ARL17B: variants seen among roughly 807,000 people sequenced by gnomAD.
ARL17B encodes ADP-ribosylation factor-like protein 17.
chr17:46,282,111 G>GT (rs1302115502), intron 4 of ARL17B, among the ~76,000 whole-genome samples: 38 of 150,044 alleles, frequency 2.5e-4, no homozygotes, highest in African/African-American at 5.4e-4. Context: ...TTTTGTTTTT[G>GT]TTTTTTTTTG....
chr17:46,289,053 T>A (rs1280071920), intron 4 of ARL17B, among the ~76,000 whole-genome samples: 13 of 152,178 alleles, frequency 8.5e-5, no homozygotes, highest in Non-Finnish European at 2.9e-5. Flanking sequence ...GTGCATCTCT[T>A]CTGCTATCCT....
chr17:46,311,435 T>C (rs62066503), intron 3 of ARL17B, among the ~76,000 whole-genome samples: 7,153 of 62,006 alleles, frequency 0.12, 529 homozygotes, highest in South Asian at 0.23. Context: ...ATTTTGGAGT[T>C]TGTCATTTAA....
chr17:46,280,703 G>T (rs757977547), intron 4 of ARL17B, among the ~76,000 whole-genome samples: 135 of 151,686 alleles, frequency 8.9e-4, no homozygotes, highest in Non-Finnish European at 1.8e-3. Flanking sequence ...CCTCCTGTGT[G>T]GCTGGGACTA....
chr17:46,290,541 G>A (rs1305594122), intron 4 of ARL17B, among the ~76,000 whole-genome samples: 1 of 152,174 alleles, frequency 6.6e-6, no homozygotes, highest in East Asian at 1.9e-4. Context: ...CCGCCTTCTG[G>A]GTTCAAGTGA....
intron 3 of ARL17B, among the ~76,000 whole-genome samples, chr17:46,317,156 C>T (rs1313207623): frequency 3.4e-5 from 3 of 89,456 alleles, no homozygotes; most frequent in South Asian, 4.4e-4. Flanking sequence ...GGCGGCCGGG[C>T]AGAGGCGCTC....
intron 4 of ARL17B, among the ~76,000 whole-genome samples, chr17:46,287,700 C>G (rs1303328285): frequency 6.6e-6 from 1 of 152,170 alleles, no homozygotes; most frequent in Non-Finnish European, 1.5e-5. Context: ...GGGTAGGGAA[C>G]GTGGAAGGAG....
chr17:46,278,401 G>A (rs376781756), intron 4 of ARL17B, among the ~76,000 whole-genome samples: 19 of 129,696 alleles, frequency 1.5e-4, no homozygotes, highest in Admixed American at 4.6e-4. Context: ...GTTTTATTTT[G>A]TTTTTTTTTT....
chr17:46,277,203 TA>T (rs139718809), intron 4 of ARL17B, among the ~76,000 whole-genome samples: 8,579 of 133,260 alleles, frequency 0.064, no homozygotes, highest in Middle Eastern at 0.1. Context: ...AAAAGCTACA[TA>T]AAATAACCAG....
In ARL17B at chr17:46,281,929, C is replaced by T. The variant is rs1172236416; in HGVS notation, c.*22-6511G>A. ...AAAGTGCTGGGATTACAGGCATGAG[C>T]CATCACGCCTAGCCTAGTTTTACAG... On this transcript the variant is annotated intron_variant, in intron 4 of 4. Transcript: ENST00000570618. Among the ~76,000 whole-genome samples the T allele has an allele frequency of 3.3e-5, 5 of 152,114 alleles. 1 individual carries two copies. The highest frequency in any genetic ancestry group is 5.9e-5 in the Non-Finnish European group (4 of 68,034).
In ARL17B at chr17:46,316,649, T is replaced by C. The variant is rs995242853; in HGVS notation, c.260-16984A>G. Among the ~76,000 whole-genome samples the C allele has an allele frequency of 1.0e-4, 7 of 67,842 alleles. 1 individual carries two copies. The highest frequency in any genetic ancestry group is 2.7e-4 in the African/African-American group (7 of 26,052). The allele number at this position is 67,842 out of a possible 152,430, so 44.5% of individuals were successfully genotyped here. Reference sequence around the variant, plus strand: ...TTTTTTTTTATTGATCATTCTTGGGTGTTTCTCGCAGAGGGGGATTTGGCA... The same window carrying C: ...TTTTTTTTTATTGATCATTCTTGGGCGTTTCTCGCAGAGGGGGATTTGGCA... On this transcript the variant is annotated intron_variant, in intron 3 of 4. Coordinates refer to the ARL17B transcript ENST00000434041.
At chr17:46,276,089 C>T (rs1276196504) in intron 4 of ARL17B, among the ~76,000 whole-genome samples, 2 of 152,202 alleles carry the variant, frequency 1.3e-5, no homozygotes, top group African/African-American at 4.8e-5. Flanking sequence ...CGAGGTTTCA[C>T]CATGTTGGCC....
chr17:46,289,502 AT>A (rs1253510088), intron 4 of ARL17B, among the ~76,000 whole-genome samples: 3 of 151,880 alleles, frequency 2.0e-5, no homozygotes, highest in African/African-American at 7.2e-5. Context: ...CTGACTTAAA[AT>A]TTTTTTAAAA....
chr17:46,288,706 C>CTTTTTTTTTTTTTTTTTTTTTTT (rs199591277), intron 4 of ARL17B, among the ~76,000 whole-genome samples: 3 of 139,048 alleles, frequency 2.2e-5, no homozygotes, highest in Admixed American at 1.4e-4. Context: ...CTTGTTTTTT[C>CTTTTTTTTTTTTTTTTTTTTTTT]TTTTTTTTTT....
At chr17:46,280,837 G>C (rs1375308166) in intron 4 of ARL17B, among the ~76,000 whole-genome samples, 5 of 152,196 alleles carry the variant, frequency 3.3e-5, no homozygotes, top group Non-Finnish European at 7.3e-5. Context: ...GCCTTCCAAA[G>C]TGCTAGGATT....
intron 4 of ARL17B, among the ~76,000 whole-genome samples, chr17:46,286,345 G>C (rs1418592088): frequency 6.6e-6 from 1 of 152,240 alleles, no homozygotes; most frequent in African/African-American, 2.4e-5. Flanking sequence ...ACATTCAATT[G>C]ATTTTAAAGC....
At chr17:46,322,348 CTGT>C in intron 3 of ARL17B, 1 of 838,482 alleles carries the variant, frequency 1.2e-6, no homozygotes, top group Non-Finnish European at 1.7e-6. Context: ...CCTCTGACAA[CTGT>C]TGAAGATCCG....
intron 3 of ARL17B, among the ~76,000 whole-genome samples, chr17:46,302,332 C>A: frequency 3.6e-5 from 1 of 27,558 alleles, no homozygotes; most frequent in Non-Finnish European, 1.5e-4. Flanking sequence ...TTGGTGCCAC[C>A]CAGAGTTGGA....
At chr17:46,279,330 C>T (rs1385966541) in intron 4 of ARL17B, among the ~76,000 whole-genome samples, 11 of 151,784 alleles carry the variant, frequency 7.2e-5, no homozygotes, top group Admixed American at 3.3e-4. Context: ...ATTACAGGTG[C>T]CTACCACAAT....
At chr17:46,325,607 T>A (rs1173794352) in intron 3 of ARL17B, among the ~76,000 whole-genome samples, 1 of 81,574 alleles carries the variant, frequency 1.2e-5, no homozygotes, top group African/African-American at 3.1e-5. Flanking sequence ...TTTTAAGCCA[T>A]GTTATGATTA....
Sources: gnomAD v4.1 joint callset for allele counts (sites outside exome capture counted in the v4.1 genomes callset) on GRCh38, gnomAD v4.1.1 for gene constraint, MANE v1.5 for transcripts, NCBI Gene and HGNC (gene_info 2026-07-23, HGNC 2026-07-21) for gene names.